Variants in ANK2 observed in about 807,000 individuals in gnomAD.
The protein encoded by ANK2 is ankyrin-2.
ANK2 carries 83 observed loss-of-function variants against 360.5 expected under a neutral mutation model. The observed-to-expected ratio is 0.23, with a 90% CI of 0.19 to 0.28. The LOEUF is 0.28. Among genes scored for constraint, ANK2 ranks in the 10% least tolerant of loss-of-function variants. The pLI is 1.00. For missense variants in ANK2, 4,201 were observed against 4,795.7 expected, an observed-to-expected ratio of 0.88 and a Z score of 3.66; for synonymous variants, 1,740 against 1,759.5, an observed-to-expected ratio of 0.99 and a Z score of 0.28.
At chr4:113,190,357 G>A (rs1000336141) in intron 2 of ANK2, among the ~76,000 whole-genome samples, 5 of 151,898 alleles carry the variant, frequency 3.3e-5, no homozygotes, top group African/African-American at 1.2e-4. Flanking sequence ...CAATCCTCCC[G>A]CCTCGGCCTC....
At chr4:113,037,970 T>C (rs2061969913) in intron 2 of ANK2, among the ~76,000 whole-genome samples, 4 of 152,078 alleles carry the variant, frequency 2.6e-5, no homozygotes, top group Admixed American at 2.6e-4. Flanking sequence ...TTTCCTAGTA[T>C]AGAGTTTGAA....
chr4:113,015,726 T>C (rs1054390474), intron 2 of ANK2, among the ~76,000 whole-genome samples: 2 of 152,216 alleles, frequency 1.3e-5, no homozygotes, highest in African/African-American at 4.8e-5. Flanking sequence ...CCTTATAGAT[T>C]TTGAATTCTC....
intron 2 of ANK2, among the ~76,000 whole-genome samples, chr4:112,975,608 A>G (rs1485347982): frequency 1.3e-5 from 2 of 152,202 alleles, no homozygotes; most frequent in African/African-American, 4.8e-5. Flanking sequence ...TTGAAAGCAG[A>G]TACCATCAAC....
At position 113,329,171 on chromosome 4, in the gene ANK2, T is replaced by C. The variant is rs571627339; in HGVS notation, c.2901-1075T>C. ...TACGTATACACAACACTTAGATTGC[T>C]GTGTTGTTTAATTTTTGCTCCTCGA... On this transcript the variant is annotated intron_variant, in intron 26 of 45. Coordinates refer to ENST00000357077, the MANE Select transcript of ANK2 (RefSeq NM_001148.6). 3.9e-5 allele frequency among the ~76,000 whole-genome samples: 6 copies of C among 152,368 alleles called. No individual in the cohort carries two copies. In the East Asian group the frequency reaches 5.8e-4, roughly 15 times the overall value.
At chr4:112,945,901 C>T (rs780324355) in intron 2 of ANK2, among the ~76,000 whole-genome samples, 3 of 152,136 alleles carry the variant, frequency 2.0e-5, no homozygotes, top group African/African-American at 7.2e-5. Flanking sequence ...CATCCATATA[C>T]TCTGCTACCT....
chr4:112,719,457 G>C, the ANK2 span, among the ~76,000 whole-genome samples: 2 of 152,204 alleles, frequency 1.3e-5, no homozygotes, highest in South Asian at 4.1e-4. Flanking sequence ...GGCCGGGCAC[G>C]GTGGCTCAAT....
the ANK2 span, among the ~76,000 whole-genome samples, chr4:112,792,297 T>C: frequency 2.1e-3 from 313 of 152,234 alleles, 1 homozygote; most frequent in African/African-American, 7.2e-3. Context: ...CACCTCAGCC[T>C]CCCAAAGTGC....
chr4:113,315,692 A>G (rs752128581), intron 24 of ANK2, among the ~76,000 whole-genome samples: 97 of 152,032 alleles, frequency 6.4e-4, no homozygotes, highest in Non-Finnish European at 1.2e-3. Flanking sequence ...AGGTCAGGAG[A>G]TCGAGACCAT....
chr4:113,270,313 T>A lies in ANK2; in HGVS notation c.1486-4139T>A, dbSNP rs569405598. ...CATTTTCATGTGTCTCTGCCAAATT[T>A]TTCTGTATTGATATAACCCATTATT... On this transcript the variant is annotated intron_variant, in intron 14 of 45. Coordinates refer to ENST00000357077, the MANE Select transcript of ANK2 (RefSeq NM_001148.6). Among the ~76,000 whole-genome samples, 713 of 152,312 alleles carry A rather than the reference T, an allele frequency of 4.7e-3. 1 individual carries two copies. The highest frequency in any genetic ancestry group is 7.8e-3 in the Non-Finnish European group (532 of 68,014).
intron 2 of ANK2, among the ~76,000 whole-genome samples, chr4:113,179,349 T>C (rs921775416): frequency 2.0e-5 from 3 of 152,190 alleles, no homozygotes; most frequent in Non-Finnish European, 4.4e-5. Context: ...TCCAAAAATA[T>C]CACATGTGTT....
intron 1 of ANK2, among the ~76,000 whole-genome samples, chr4:113,058,059 G>A (rs2071049515): frequency 6.6e-6 from 1 of 152,098 alleles, no homozygotes; most frequent in Admixed American, 6.6e-5. Flanking sequence ...CTGGCCACAG[G>A]TTTCTGTGCA....
chr4:113,003,771 A>ATATGTT (rs2051696777), intron 2 of ANK2, among the ~76,000 whole-genome samples: 1 of 152,206 alleles, frequency 6.6e-6, no homozygotes, highest in Non-Finnish European at 1.5e-5. Context: ...TCGCTTAACG[A>ATATGTT]CAGGGATATG....
intron 8 of ANK2, 118 bp downstream of exon 8, chr4:113,240,701 T>C: frequency 1.2e-6 from 1 of 846,544 alleles, no homozygotes; most frequent in Non-Finnish European, 1.9e-6. Context: ...CCTGGGTCTG[T>C]GCTGGAGATA....
intron 2 of ANK2, among the ~76,000 whole-genome samples, chr4:113,187,122 G>T (rs922664253): frequency 6.6e-6 from 1 of 151,946 alleles, no homozygotes; most frequent in Non-Finnish European, 1.5e-5. Context: ...AGGCTGGAGT[G>T]GGCAGAGGGG....
the ANK2 span, among the ~76,000 whole-genome samples, chr4:112,745,904 C>G: frequency 6.6e-6 from 1 of 152,110 alleles, no homozygotes; most frequent in African/African-American, 2.4e-5. Context: ...CATCTCTCCC[C>G]CTTCCCCACT....
At chr4:113,141,512 T>TA (rs1387910179) in intron 1 of ANK2, 2 of 152,140 alleles carry the variant, frequency 1.3e-5, no homozygotes, top group East Asian at 1.9e-4. Flanking sequence ...TTTTCTTTTT[T>TA]AAAAAACAGG....
the ANK2 span, among the ~76,000 whole-genome samples, chr4:112,706,544 C>T: frequency 1.3e-5 from 2 of 152,130 alleles, no homozygotes; most frequent in African/African-American, 4.8e-5. Context: ...GGCACACACC[C>T]AGCTGTCACA....
intron 1 of ANK2, among the ~76,000 whole-genome samples, chr4:113,151,685 A>G (rs2097092202): frequency 6.6e-6 from 1 of 152,192 alleles, no homozygotes; most frequent in African/African-American, 2.4e-5. Context: ...AAACATATTT[A>G]CTATAGAAAG....
chr4:113,141,002 C>T (rs76483236), intron 1 of ANK2, among the ~76,000 whole-genome samples: 15,849 of 151,800 alleles, frequency 0.1, 1,018 homozygotes, highest in Non-Finnish European at 0.15. Context: ...ATAAATTAAT[C>T]GAAACATTTG....
Sources: gnomAD v4.1 joint callset for allele counts (sites outside exome capture counted in the v4.1 genomes callset) on GRCh38, gnomAD v4.1.1 for gene constraint, MANE v1.5 for transcripts, NCBI Gene and HGNC (gene_info 2026-07-23, HGNC 2026-07-21) for gene names.